The following FAT3 variants were observed in gnomAD, a reference collection of about 807,000 sequenced individuals.
FAT3 encodes the protein protocadherin Fat 3.
Under a neutral mutation model 310.2 loss-of-function variants are expected in FAT3, and 95 were observed. The ratio of observed to expected loss-of-function variants is 0.31; its 90% confidence interval spans 0.26 to 0.36. The LOEUF is 0.36. FAT3 is among the 10% of genes least tolerant of loss of function. FAT3 has a pLI of 1.00. For synonymous variants in FAT3, 2,314 were observed against 2,192.9 expected (o/e 1.06, Z -1.54); for missense variants, 5,408 against 5,715.6 (o/e 0.95, Z 1.74).
intron 2 of FAT3, among the ~76,000 whole-genome samples, chr11:92,480,996 T>C (rs1952209085): frequency 6.6e-6 from 1 of 152,210 alleles, no homozygotes; most frequent in Non-Finnish European, 1.5e-5. Context: ...AAAGGTATCG[T>C]TGCAAACTTA....
chr11:92,882,855 C>T lies in FAT3; in HGVS notation c.12399C>T (p.Cys4133=), dbSNP rs80074298. The change falls in exon 24 of 28, where the codon TGC becomes TGT. Residue 4133 remains cysteine (C), a synonymous_variant. Coordinates refer to ENST00000525166, the MANE Select transcript of FAT3 (RefSeq NM_001367949.2). The stretch of plus-strand genomic sequence containing the variant: ...CGCCGGGCTACGTGGGCCAGTACTG[C>T]GGGCTGCGCCCCGTGGTGGTACCCA... ...NCTPGYVGQY[C]GLRPVVVPNI... The T allele has an allele frequency of 1.4e-3, 2,285 of 1,611,842 alleles. 30 individuals are homozygous for T. The African/African-American group carries it at 0.028, about 19-fold the overall frequency.
chr11:92,778,665 A>G (rs1403780683), intron 7 of FAT3, among the ~76,000 whole-genome samples: 1 of 152,196 alleles, frequency 6.6e-6, no homozygotes, highest in Non-Finnish European at 1.5e-5. Flanking sequence ...TGGGTATGTG[A>G]TCTAAAAATG....
At chr11:92,451,802 C>G (rs1437599468) in intron 2 of FAT3, among the ~76,000 whole-genome samples, 1 of 152,124 alleles carries the variant, frequency 6.6e-6, no homozygotes, top group Non-Finnish European at 1.5e-5. Context: ...GCTACATTAA[C>G]TTTGTTGCAG....
chr11:92,354,315 G>A lies in FAT3; in HGVS notation c.2203G>A (p.Val735Ile). 1 of 1,613,770 alleles carries A rather than the reference G, an allele frequency of 6.2e-7. No individual in the cohort carries two copies. Among genetic ancestry groups the A allele is most frequent in the Non-Finnish European group, 8.5e-7 (1 of 1,179,840 alleles). ...FDKSFPSDVAVKEDLPVGANI... is the reference protein window; with the variant it reads ...FDKSFPSDVAIKEDLPVGANI... ...CAAGTCTTTTCCTTCTGATGTGGCT[G>A]TAAAGGAGGATCTGCCAGTTGGTGC... Residue 735 changes from valine to isoleucine, a missense_variant, in exon 2 of 28, where the codon GTA (valine) becomes ATA (isoleucine). By Grantham distance (29) the Val-to-Ile change is conservative. Around this residue, in one of 5 missense-constraint regions of FAT3, gnomAD observed 4,588 missense variants for 4,809.8 expected, o/e 0.95. Transcript: ENST00000525166.
intron 3 of FAT3, among the ~76,000 whole-genome samples, chr11:92,553,651 A>T (rs1954895531): frequency 7.8e-6 from 1 of 128,408 alleles, no homozygotes; most frequent in Admixed American, 7.5e-5. Context: ...GGAAAATTGT[A>T]GACATAAATT....
At chr11:92,539,486 A>C (rs557759812) in intron 3 of FAT3, among the ~76,000 whole-genome samples, 1 of 152,168 alleles carries the variant, frequency 6.6e-6, no homozygotes, top group Admixed American at 6.5e-5. Context: ...TTGTGCTTTC[A>C]TCCAACTCTG....
At position 92,799,495 on chromosome 11, in the gene FAT3, A is replaced by G; in HGVS notation, c.6482A>G (p.Lys2161Arg). Residue 2161 changes from lysine to arginine, a missense_variant, in exon 10 of 28, where the codon AAG becomes AGG. Physicochemically the swap from Lys to Arg is conservative, Grantham distance 26. Transcript: ENST00000525166. ...NIEYGVTILA[K>R]DGGKPSLSTS... Reference sequence around the variant, plus strand: ...GAGTATGGAGTCACCATCCTAGCCAAGGATGGCGGAAAACCTTCTTTGTCT... The same window carrying G: ...GAGTATGGAGTCACCATCCTAGCCAGGGATGGCGGAAAACCTTCTTTGTCT... The G allele has an allele frequency of 6.2e-7, 1 of 1,613,710 alleles. No individual in the cohort carries two copies. The highest frequency in any genetic ancestry group is 2.2e-5 in the East Asian group (1 of 44,834).
In FAT3 at chr11:92,391,008, A is replaced by ACTTGTGTCAACTTGTGTGTTGAC. The variant is rs1949734847; in HGVS notation, c.3292+35604_3292+35605insCTTGTGTCAACTTGTGTGTTGAC. ...AAAGCTGTCTTTTGTTTGCCTGTTGATTTGTGTGACTTGATAAAATTCTCT... is the reference window on the plus strand; with the variant it reads ...AAAGCTGTCTTTTGTTTGCCTGTTGACTTGTGTCAACTTGTGTGTTGACTTTGTGTGACTTGATAAAATTCTCT... On this transcript the variant is annotated intron_variant, in intron 2 of 27. Coordinates refer to ENST00000525166, the MANE Select transcript of FAT3 (RefSeq NM_001367949.2). Among the ~76,000 whole-genome samples, 4 of 151,360 alleles carry ACTTGTGTCAACTTGTGTGTTGAC rather than the reference A, an allele frequency of 2.6e-5. No individual in the cohort carries two copies. In the South Asian group the frequency reaches 8.3e-4, roughly 32 times the overall value.
chr11:92,225,432 C>G (rs1355237035), intron 1 of FAT3, among the ~76,000 whole-genome samples: 1 of 152,128 alleles, frequency 6.6e-6, no homozygotes, highest in African/African-American at 2.4e-5. Context: ...GAGGTTTACA[C>G]GGAGAGTTGG....
intron 13 of FAT3, among the ~76,000 whole-genome samples, chr11:92,811,012 A>G (rs1342190772): frequency 6.6e-6 from 1 of 152,206 alleles, no homozygotes; most frequent in Non-Finnish European, 1.5e-5. Context: ...TTGAAAACAA[A>G]CGTAGAGCCT....
intron 2 of FAT3, among the ~76,000 whole-genome samples, chr11:92,418,882 C>A (rs566715057): frequency 6.6e-6 from 1 of 152,140 alleles, no homozygotes; most frequent in African/African-American, 2.4e-5. Context: ...TGCTTGCAGT[C>A]TTTCCAAAAC....
chr11:92,438,958 C>T (rs972890883), intron 2 of FAT3, among the ~76,000 whole-genome samples: 1 of 152,206 alleles, frequency 6.6e-6, no homozygotes, highest in Non-Finnish European at 1.5e-5. Context: ...TTGGTGTTTA[C>T]ACAATCATTC....
chr11:92,642,404 C>T (rs1407977129), intron 3 of FAT3, among the ~76,000 whole-genome samples: 1 of 152,174 alleles, frequency 6.6e-6, no homozygotes, highest in Non-Finnish European at 1.5e-5. Flanking sequence ...ATATTTTAAC[C>T]TCCAGTGCAA....
At chr11:92,823,440 G>C (rs1172327857) in intron 13 of FAT3, among the ~76,000 whole-genome samples, 1 of 152,168 alleles carries the variant, frequency 6.6e-6, no homozygotes, top group Non-Finnish European at 1.5e-5. Flanking sequence ...AATGGGGCCA[G>C]TTTTATAGGT....
At position 92,399,853 on chromosome 11, in the gene FAT3, G is replaced by A. The variant is rs114236378; in HGVS notation, c.3292+44449G>A. Reference sequence around the variant, plus strand: ...TAAACCTTCTGTAGCACTAATATCCGTGTATTCACCAGGGATCCAGGGTAT... The same window carrying A: ...TAAACCTTCTGTAGCACTAATATCCATGTATTCACCAGGGATCCAGGGTAT... On this transcript the variant is annotated intron_variant, in intron 2 of 27. Coordinates refer to ENST00000525166, the MANE Select transcript of FAT3 (RefSeq NM_001367949.2). Among the ~76,000 whole-genome samples the A allele has an allele frequency of 1.8e-3, 268 of 152,256 alleles. 2 individuals are homozygous for A. The highest frequency in any genetic ancestry group is 6.1e-3 in the African/African-American group (252 of 41,554).
intron 4 of FAT3, among the ~76,000 whole-genome samples, chr11:92,758,229 C>T (rs1441089929): frequency 6.6e-6 from 1 of 152,152 alleles, no homozygotes; most frequent in Non-Finnish European, 1.5e-5. Context: ...AAATTGCTCA[C>T]AGTCTAGAAG....
At chr11:92,442,081 T>TTTATATATATA (rs1355599282) in intron 2 of FAT3, among the ~76,000 whole-genome samples, 13 of 69,992 alleles carry the variant, frequency 1.9e-4, no homozygotes, top group African/African-American at 1.1e-3. Context: ...AATATATATT[T>TTTATATATATA]TATATATATA....
intron 2 of FAT3, among the ~76,000 whole-genome samples, chr11:92,443,644 G>A (rs1951132534): frequency 6.6e-6 from 1 of 152,152 alleles, no homozygotes; most frequent in South Asian, 2.1e-4. Flanking sequence ...TACATTTTGA[G>A]TTATCTCCTG....
chr11:92,694,030 A>G (rs1246920270), intron 3 of FAT3, among the ~76,000 whole-genome samples: 1 of 152,200 alleles, frequency 6.6e-6, no homozygotes, highest in East Asian at 1.9e-4. Context: ...ATGATTTTCT[A>G]GTGATTTTTC....
Sources: gnomAD v4.1 joint callset for allele counts (sites outside exome capture counted in the v4.1 genomes callset) on GRCh38, gnomAD v4.1.1 for gene constraint, gnomAD v4.1.1 regional missense constraint, MANE v1.5 for transcripts, NCBI Gene and HGNC (gene_info 2026-07-23, HGNC 2026-07-21) for gene names.